KCNN2: variants seen among roughly 807,000 people sequenced by gnomAD.
The protein encoded by KCNN2 is small conductance calcium-activated potassium channel protein 2.
KCNN2 carries 24 observed loss-of-function variants against 55.5 expected under a neutral mutation model. The ratio of observed to expected loss-of-function variants is 0.43; its 90% CI spans 0.31 to 0.61. The LOEUF (loss-of-function observed/expected upper bound fraction) is 0.61. KCNN2 is among the 20% of genes least tolerant of loss of function. KCNN2 has a pLI of 0.08. For synonymous variants in KCNN2, 431 were observed against 336.1 expected (o/e 1.28, Z -3.09); for missense variants, 754 against 853.6 (o/e 0.88, Z 1.45).
intron 2 of KCNN2, among the ~76,000 whole-genome samples, chr5:114,297,427 C>T (rs1336525172): frequency 6.6e-6 from 1 of 152,028 alleles, no homozygotes; most frequent in African/African-American, 2.4e-5. Context: ...GAATATTGCT[C>T]TTTATTCAGA....
intron 1 of KCNN2, among the ~76,000 whole-genome samples, chr5:114,206,374 C>T (rs989865950): frequency 1.3e-5 from 2 of 152,132 alleles, no homozygotes; most frequent in African/African-American, 4.8e-5. Context: ...TTAAGACGCA[C>T]CTAAATTCCA....
At chr5:114,435,414 G>C (rs369955462) in intron 3 of KCNN2, among the ~76,000 whole-genome samples, 21 of 151,726 alleles carry the variant, frequency 1.4e-4, no homozygotes, top group East Asian at 7.7e-4. Flanking sequence ...TTATTTTCTT[G>C]TTGTGAGGAT....
chr5:114,403,140 G>A (rs1323908783), intron 2 of KCNN2, among the ~76,000 whole-genome samples: 2 of 152,132 alleles, frequency 1.3e-5, no homozygotes, highest in Non-Finnish European at 2.9e-5. Context: ...TTGTATTGTT[G>A]TCCAAAACAT....
chr5:114,381,688 C>G (rs886838909), intron 2 of KCNN2, among the ~76,000 whole-genome samples: 2 of 152,234 alleles, frequency 1.3e-5, no homozygotes, highest in African/African-American at 4.8e-5. Flanking sequence ...GAAGCCTTCT[C>G]ATTATTTCAG....
At chr5:114,222,288 A>T in intron 2 of KCNN2, among the ~76,000 whole-genome samples, 1 of 152,214 alleles carries the variant, frequency 6.6e-6, no homozygotes, top group East Asian at 1.9e-4. Context: ...CCTAGTAAAC[A>T]ATATTTGCAT....
intron 1 of KCNN2, among the ~76,000 whole-genome samples, chr5:114,162,405 C>A (rs147051539): frequency 0.092 from 13,938 of 152,200 alleles, 816 homozygotes; most frequent in Non-Finnish European, 0.12. Flanking sequence ...GGTGTCAGTC[C>A]GCCCCTACTG....
At chr5:114,287,001 A>T (rs1252248015) in intron 2 of KCNN2, among the ~76,000 whole-genome samples, 1 of 152,208 alleles carries the variant, frequency 6.6e-6, no homozygotes, top group African/African-American at 2.4e-5. Context: ...AAAAAATGTT[A>T]TATCACTTGT....
At chr5:114,342,471 A>T (rs1750400954) in intron 2 of KCNN2, among the ~76,000 whole-genome samples, 1 of 152,122 alleles carries the variant, frequency 6.6e-6, no homozygotes, top group African/African-American at 2.4e-5. Flanking sequence ...GTTGATGATT[A>T]TTTGTGGAAT....
chr5:114,252,443 A>G (rs1754884738), intron 2 of KCNN2, among the ~76,000 whole-genome samples: 1 of 152,210 alleles, frequency 6.6e-6, no homozygotes, highest in African/African-American at 2.4e-5. Flanking sequence ...ACCACATTCC[A>G]GAAACCAGGA....
intron 2 of KCNN2, among the ~76,000 whole-genome samples, chr5:114,380,131 C>G (rs999169096): frequency 2.4e-4 from 36 of 151,922 alleles, no homozygotes; most frequent in African/African-American, 8.5e-4. Context: ...CCTGTGTTTT[C>G]TAATACACAA....
intron 1 of KCNN2, among the ~76,000 whole-genome samples, chr5:114,194,344 A>G (rs1386509024): frequency 6.6e-6 from 1 of 152,050 alleles, no homozygotes; most frequent in Non-Finnish European, 1.5e-5. Flanking sequence ...CAATTTCTCC[A>G]CATTTTGCCT....
At chr5:114,377,287 C>A (rs1019934282) in intron 2 of KCNN2, among the ~76,000 whole-genome samples, 3 of 152,036 alleles carry the variant, frequency 2.0e-5, no homozygotes, top group African/African-American at 7.2e-5. Flanking sequence ...AGAATACCAG[C>A]CACGTCAGGA....
intron 2 of KCNN2, among the ~76,000 whole-genome samples, chr5:114,379,982 T>C (rs575502183): frequency 1.3e-5 from 2 of 151,068 alleles, no homozygotes; most frequent in South Asian, 4.2e-4. Flanking sequence ...TAATGTGTTA[T>C]ACATGTCATT....
At chr5:114,103,692 T>A (rs111743155) in intron 1 of KCNN2, among the ~76,000 whole-genome samples, 7,014 of 152,190 alleles carry the variant, frequency 0.046, 530 homozygotes, top group African/African-American at 0.16. Context: ...TTGTGTGGTG[T>A]TTGTCATTGT....
chr5:114,119,747 G>A lies in KCNN2; in HGVS notation c.-271+63247G>A, dbSNP rs569773269. ...CCACCTGCTCTGATATTTGAAAATC[G>A]CATATGATATTCTTGAAAGCTTTAG... On this transcript the variant is annotated intron_variant, in intron 1 of 10. Transcript: ENST00000512097. 5.3e-5 allele frequency among the ~76,000 whole-genome samples: 8 copies of A among 152,180 alleles called. No homozygotes were observed. The East Asian group carries it at 9.7e-4, about 18-fold the overall frequency.
chr5:114,063,404 C>G (rs937621377), intron 1 of KCNN2, among the ~76,000 whole-genome samples: 1 of 152,186 alleles, frequency 6.6e-6, no homozygotes, highest in African/African-American at 2.4e-5. Flanking sequence ...GAAAGCATGG[C>G]AGCCCAGATC....
intron 1 of KCNN2, among the ~76,000 whole-genome samples, chr5:114,209,198 G>T (rs1442223903): frequency 6.6e-6 from 1 of 151,744 alleles, no homozygotes; most frequent in Non-Finnish European, 1.5e-5. Flanking sequence ...CTGACTGCAG[G>T]CATGCACCAC....
intron 2 of KCNN2, among the ~76,000 whole-genome samples, chr5:114,272,464 C>CAT (rs5870594): frequency 0.97 from 137,363 of 141,734 alleles, 66,797 homozygotes; most frequent in Middle Eastern, 0.99. Context: ...ATGTACATAT[C>CAT]ATACACACAT....
chr5:114,133,521 C>T (rs1215864817), intron 1 of KCNN2, among the ~76,000 whole-genome samples: 4 of 152,146 alleles, frequency 2.6e-5, no homozygotes, highest in African/African-American at 4.8e-5. Context: ...CCCTGTACCA[C>T]GGAGACAGGG....
Sources: gnomAD v4.1 joint callset for allele counts (sites outside exome capture counted in the v4.1 genomes callset) on GRCh38, gnomAD v4.1.1 for gene constraint, MANE v1.5 for transcripts, NCBI Gene and HGNC (gene_info 2026-07-23, HGNC 2026-07-21) for gene names.